The following AAK1 variants were observed in gnomAD, a reference collection of about 807,000 sequenced individuals.
AAK1 encodes the protein AP2-associated protein kinase 1.
AAK1 carries 37 observed loss-of-function variants against 116.0 expected under a neutral mutation model. The ratio of observed to expected loss-of-function variants is 0.32; its 90% confidence interval spans 0.25 to 0.42. AAK1 has a LOEUF of 0.42. AAK1 is among the 10% of genes least tolerant of loss of function. The pLI is 1.00. For missense variants in AAK1, 919 were observed against 1,170.6 expected (o/e 0.79, Z 3.14); for synonymous variants, 458 against 439.9 (o/e 1.04, Z -0.51).
intron 2 of AAK1, among the ~76,000 whole-genome samples, chr2:69,611,392 C>T (rs1000763163): frequency 6.6e-5 from 10 of 152,184 alleles, no homozygotes; most frequent in Non-Finnish European, 1.5e-5. Flanking sequence ...TTTGGGCCTT[C>T]GGCCTCAGAC....
At chr2:69,507,717 T>C (rs1676241380) in intron 14 of AAK1, 139 bp from the exon 15 acceptor site, 1 of 961,122 alleles carries the variant, frequency 1.0e-6, no homozygotes, top group Non-Finnish European at 1.5e-6. Flanking sequence ...ATTTTTTTTT[T>C]TTTTTTTGAG....
In AAK1 at chr2:69,475,919, G is replaced by C; in HGVS notation, c.2836C>G (p.Pro946Ala). ...NSSGSSESSL[P>A]NLARSLLLVD... ...AGCAGTAAAGACCTGGCTAGGTTGG[G>C]AAGACTGGACTCAGAGCTCCCACTG... The change falls in exon 22 of 22, where the codon CCC (proline) becomes GCC (alanine). Residue 946 changes from proline (P) to alanine (A), a missense_variant. Around this residue, in one of 4 missense-constraint regions of AAK1, gnomAD observed 263 missense variants for 285.5 expected, o/e 0.92. Coordinates refer to ENST00000409085, the MANE Select transcript of AAK1 (RefSeq NM_014911.5). 1 of 1,612,666 alleles carries C rather than the reference G, an allele frequency of 6.2e-7. No homozygotes were observed. The highest frequency in any genetic ancestry group is 8.5e-7 in the Non-Finnish European group (1 of 1,179,446).
At chr2:69,615,668 C>T (rs1451690923) in intron 2 of AAK1, among the ~76,000 whole-genome samples, 2 of 152,238 alleles carry the variant, frequency 1.3e-5, no homozygotes, top group Admixed American at 1.3e-4. Context: ...AAGCAAGAAA[C>T]TGTGACAGTC....
intron 10 of AAK1, among the ~76,000 whole-genome samples, chr2:69,522,943 A>C (rs1669853967): frequency 6.6e-6 from 1 of 152,222 alleles, no homozygotes; most frequent in African/African-American, 2.4e-5. Context: ...CTGGAGCCAA[A>C]GAAAAATATA....
chr2:69,522,850 G>T (rs1669850046), intron 10 of AAK1, among the ~76,000 whole-genome samples: 2 of 152,056 alleles, frequency 1.3e-5, no homozygotes, highest in South Asian at 4.1e-4. Context: ...GGTGAGGGAG[G>T]TGAGCAGGCT....
rs373330034 is a variant in AAK1 at position 69,544,555 on chromosome 2, G to C, written c.283-11C>G. The C allele has an allele frequency of 1.6e-5, 25 of 1,582,126 alleles. No individual in the cohort carries two copies. The highest frequency in any genetic ancestry group is 1.9e-5 in the Non-Finnish European group (22 of 1,151,194). On this transcript the variant is annotated splice_polypyrimidine_tract_variant and intron_variant, in intron 3 of 21. Coordinates refer to ENST00000409085, the MANE Select transcript of AAK1 (RefSeq NM_014911.5). The stretch of plus-strand genomic sequence containing the variant: ...CCCTGAAAGATCCCTCTGTGAACAA[G>C]AGAGGAGAAATATATTGTTAGTTTC...
intron 2 of AAK1, chr2:69,598,052 G>A (rs1435105250): frequency 5.8e-6 from 3 of 515,310 alleles, no homozygotes; most frequent in East Asian, 7.0e-5. Flanking sequence ...CTTAGAGGGT[G>A]AACACCTTCT....
At position 69,643,639 on chromosome 2, in the gene AAK1, G is replaced by C. The variant is rs1014852627; in HGVS notation, c.-299C>G. 33 of 1,227,850 alleles carry C rather than the reference G, an allele frequency of 2.7e-5. No individual in the cohort carries two copies. The highest frequency in any genetic ancestry group is 4.1e-5 in the South Asian group (1 of 24,108). 76.1% of individuals were successfully genotyped at this position (1,227,850 alleles called of 1,614,324 possible). Reference sequence around the variant, plus strand: ...GCGACATTGTCACGGCCGCCGGGCCGGCCTGCGACGCAGAGAAGAGGCGGC... The same window carrying C: ...GCGACATTGTCACGGCCGCCGGGCCCGCCTGCGACGCAGAGAAGAGGCGGC... On this transcript the variant is annotated 5_prime_UTR_variant, in exon 1 of 22. Coordinates refer to ENST00000409085, the MANE Select transcript of AAK1 (RefSeq NM_014911.5).
intron 16 of AAK1, among the ~76,000 whole-genome samples, chr2:69,500,698 T>TATATATATATACAC: frequency 8.8e-4 from 57 of 65,074 alleles, no homozygotes; most frequent in East Asian, 1.6e-3. Context: ...TATATATATA[T>TATATATATATACAC]ACACACACAC....
chr2:69,559,270 A>T (rs1250507141), intron 2 of AAK1, among the ~76,000 whole-genome samples: 3,388 of 120,502 alleles, frequency 0.028, 126 homozygotes, highest in African/African-American at 0.11. Context: ...TCTCACACAC[A>T]CACACACACA....
At chr2:69,484,591 G>A (rs574840305) in intron 17 of AAK1, among the ~76,000 whole-genome samples, 54 of 152,254 alleles carry the variant, frequency 3.5e-4, no homozygotes, top group Non-Finnish European at 6.9e-4. Flanking sequence ...ACAGGAGTTC[G>A]AGACCAGCCT....
intron 2 of AAK1, among the ~76,000 whole-genome samples, chr2:69,580,839 T>C (rs1301210503): frequency 2.0e-5 from 3 of 152,208 alleles, no homozygotes; most frequent in Non-Finnish European, 4.4e-5. Context: ...TGCACTACAT[T>C]CTTTGAGCAG....
chr2:69,621,135 C>T (rs1043829958), intron 2 of AAK1, among the ~76,000 whole-genome samples: 1 of 152,126 alleles, frequency 6.6e-6, no homozygotes, highest in Non-Finnish European at 1.5e-5. Context: ...ATATACTGGT[C>T]CATGCTGGGA....
intron 4 of AAK1, among the ~76,000 whole-genome samples, chr2:69,543,695 C>T (rs573168632): frequency 1.9e-3 from 291 of 152,278 alleles, no homozygotes; most frequent in Non-Finnish European, 1.9e-3. Flanking sequence ...CATGAGCCAC[C>T]GCGCCCGGCC....
At chr2:69,594,986 T>C (rs1356927525) in intron 2 of AAK1, 6 of 788,042 alleles carry the variant, frequency 7.6e-6, no homozygotes, top group South Asian at 4.0e-5. Flanking sequence ...CCCTTTTTAC[T>C]GTGTCACTTT....
At chr2:69,612,731 A>T (rs1674143825) in intron 2 of AAK1, among the ~76,000 whole-genome samples, 1 of 152,240 alleles carries the variant, frequency 6.6e-6, no homozygotes, top group African/African-American at 2.4e-5. Flanking sequence ...ATCCTTGGAA[A>T]ATGAAAAACT....
intron 3 of AAK1, among the ~76,000 whole-genome samples, chr2:69,545,940 G>C (rs576854081): frequency 2.0e-5 from 3 of 152,266 alleles, no homozygotes; most frequent in African/African-American, 7.2e-5. Flanking sequence ...AGGGGAAAGG[G>C]TGTTTAGAAT....
intron 2 of AAK1, among the ~76,000 whole-genome samples, chr2:69,611,068 G>A (rs1441134888): frequency 6.6e-6 from 1 of 152,154 alleles, no homozygotes; most frequent in African/African-American, 2.4e-5. Flanking sequence ...ACTGGATTGA[G>A]GGATGCCTAG....
chr2:69,511,539 C>T (rs1373943606), intron 13 of AAK1, among the ~76,000 whole-genome samples: 3 of 152,208 alleles, frequency 2.0e-5, no homozygotes, highest in African/African-American at 7.2e-5. Context: ...TGGCTGAATA[C>T]TACCACACAT....
Sources: gnomAD v4.1 joint callset for allele counts (sites outside exome capture counted in the v4.1 genomes callset) on GRCh38, gnomAD v4.1.1 for gene constraint, gnomAD v4.1.1 regional missense constraint, MANE v1.5 for transcripts, NCBI Gene and HGNC (gene_info 2026-07-23, HGNC 2026-07-21) for gene names.